The following PABPC4L variants were observed in gnomAD, a reference collection of about 807,000 sequenced individuals.
The protein encoded by PABPC4L is poly(A) binding protein cytoplasmic 4 like.
For missense variants in PABPC4L, 452 were observed against 451.4 expected (o/e 1.00, Z -0.01); for synonymous variants, 169 against 164.1 (o/e 1.03, Z -0.23).
At chr4:133,948,695 T>C in the PABPC4L span, among the ~76,000 whole-genome samples, 2 of 152,198 alleles carry the variant, frequency 1.3e-5, no homozygotes, top group Non-Finnish European at 2.9e-5. Flanking sequence ...TCTTTTCGAA[T>C]TGGTATTCCA....
At chr4:134,119,263 A>G in the PABPC4L span, among the ~76,000 whole-genome samples, 2 of 151,616 alleles carry the variant, frequency 1.3e-5, no homozygotes, top group Non-Finnish European at 3.0e-5. Flanking sequence ...CTCTCCCAGT[A>G]TCACACAGCA....
the PABPC4L span, among the ~76,000 whole-genome samples, chr4:133,990,976 A>G: frequency 4.0e-5 from 6 of 151,084 alleles, no homozygotes; most frequent in African/African-American, 9.7e-5. Flanking sequence ...ACCCTGACCA[A>G]TCTCCTTCAT....
At chr4:134,017,035 A>G in the PABPC4L span, among the ~76,000 whole-genome samples, 1 of 152,186 alleles carries the variant, frequency 6.6e-6, no homozygotes, top group Non-Finnish European at 1.5e-5. Flanking sequence ...CTTCTGTCAG[A>G]CATAATTCCT....
At chr4:134,082,336 G>C in the PABPC4L span, among the ~76,000 whole-genome samples, 294 of 152,060 alleles carry the variant, frequency 1.9e-3, 1 homozygote, top group African/African-American at 6.7e-3. Context: ...GTTTTTACAG[G>C]ATTTGGGGTA....
chr4:134,031,885 G>T, the PABPC4L span, among the ~76,000 whole-genome samples: 1 of 151,570 alleles, frequency 6.6e-6, no homozygotes, highest in Non-Finnish European at 1.5e-5. Flanking sequence ...AGAATGAGGA[G>T]AAATTGTTCT....
chr4:134,195,880 C>A (rs1035836833), downstream of PABPC4L, among the ~76,000 whole-genome samples: 1 of 151,600 alleles, frequency 6.6e-6, no homozygotes, highest in Non-Finnish European at 1.5e-5. Flanking sequence ...TACACATGCA[C>A]TTGGGAGATA....
chr4:134,113,714 A>T, the PABPC4L span, among the ~76,000 whole-genome samples: 1 of 151,860 alleles, frequency 6.6e-6, no homozygotes, highest in Non-Finnish European at 1.5e-5. Flanking sequence ...ACAGGGGTTA[A>T]AAAAGACTAC....
chr4:133,995,442 C>A, the PABPC4L span, among the ~76,000 whole-genome samples: 1 of 152,120 alleles, frequency 6.6e-6, no homozygotes, highest in Non-Finnish European at 1.5e-5. Context: ...TGATTGCCTG[C>A]ATTGCTTGCT....
the PABPC4L span, among the ~76,000 whole-genome samples, chr4:134,023,953 T>G: frequency 6.6e-6 from 1 of 152,142 alleles, no homozygotes. Flanking sequence ...TCACATACAC[T>G]TTAAAAATAA....
chr4:134,002,861 T>A, the PABPC4L span, among the ~76,000 whole-genome samples: 1 of 151,974 alleles, frequency 6.6e-6, no homozygotes, highest in South Asian at 2.1e-4. Flanking sequence ...ATGATTTTTC[T>A]CCTCACATTG....
the PABPC4L span, among the ~76,000 whole-genome samples, chr4:133,997,974 T>C: frequency 1.3e-5 from 2 of 151,944 alleles, no homozygotes; most frequent in South Asian, 4.1e-4. Context: ...CTTTTTAATT[T>C]TCAGTACCAT....
At chr4:134,064,035 T>C in the PABPC4L span, among the ~76,000 whole-genome samples, 2 of 152,070 alleles carry the variant, frequency 1.3e-5, no homozygotes, top group Non-Finnish European at 1.5e-5. Context: ...ATTTTCTAGA[T>C]TTTTATCTTA....
At chr4:134,153,970 T>C in the PABPC4L span, among the ~76,000 whole-genome samples, 1 of 151,848 alleles carries the variant, frequency 6.6e-6, no homozygotes, top group Admixed American at 6.6e-5. Context: ...TTTCAAACAA[T>C]TCCAAAGAGG....
At chr4:133,955,060 C>G in the PABPC4L span, among the ~76,000 whole-genome samples, 1 of 151,968 alleles carries the variant, frequency 6.6e-6, no homozygotes, top group Admixed American at 6.6e-5. Flanking sequence ...AAGTATCACT[C>G]TGTAATTAAG....
the PABPC4L span, among the ~76,000 whole-genome samples, chr4:133,999,984 T>G: frequency 6.6e-6 from 1 of 152,222 alleles, no homozygotes; most frequent in East Asian, 1.9e-4. Flanking sequence ...AAAATAAAAA[T>G]ATTTTTTTCA....
chr4:134,003,033 A>G, the PABPC4L span, among the ~76,000 whole-genome samples: 4 of 151,980 alleles, frequency 2.6e-5, no homozygotes, highest in Non-Finnish European at 5.9e-5. Flanking sequence ...AGAGGTATAT[A>G]TTGCATGAAG....
the PABPC4L span, among the ~76,000 whole-genome samples, chr4:134,148,160 C>T: frequency 7.9e-5 from 12 of 151,828 alleles, no homozygotes; most frequent in Admixed American, 5.9e-4. Flanking sequence ...GAGATTGATA[C>T]TTGGAAATTA....
chr4:134,025,458 G>T, the PABPC4L span, among the ~76,000 whole-genome samples: 1 of 151,980 alleles, frequency 6.6e-6, no homozygotes, highest in Non-Finnish European at 1.5e-5. Context: ...CTCATTGCTA[G>T]AGCACCAGCT....
At chr4:134,059,050 A>G in the PABPC4L span, among the ~76,000 whole-genome samples, 1 of 152,060 alleles carries the variant, frequency 6.6e-6, no homozygotes, top group East Asian at 1.9e-4. Flanking sequence ...GAAGGGGGTA[A>G]ACGGTAAGGC....
Sources: allele counts gnomAD v4.1 joint callset (sites outside exome capture counted in the v4.1 genomes callset), GRCh38; gene constraint gnomAD v4.1.1; transcripts MANE v1.5; gene names NCBI Gene and HGNC (gene_info 2026-07-23, HGNC 2026-07-21).